IRF2: variants seen among roughly 807,000 people sequenced by gnomAD.
IRF2 encodes interferon regulatory factor 2.
A neutral mutation model predicts 40.6 loss-of-function variants in IRF2; 15 were observed. The observed-to-expected ratio is 0.37, with a 90% CI of 0.25 to 0.57. The LOEUF is 0.57. Ranked by LOEUF, IRF2 falls within the 20% of genes least tolerant of loss-of-function variation. The probability of loss-of-function intolerance (pLI) is 0.77; values close to 1 mark genes in which losing one functional copy is unlikely to be tolerated. For synonymous variants in IRF2, 151 were observed against 165.5 expected (o/e 0.91, Z 0.67); for missense variants, 317 against 455.7 (o/e 0.70, Z 2.77).
chr4:184,470,789 C>T (rs573405238), intron 1 of IRF2, among the ~76,000 whole-genome samples: 6 of 151,914 alleles, frequency 3.9e-5, no homozygotes, highest in Non-Finnish European at 5.9e-5. Context: ...GAAGTTGACA[C>T]GAGAGTGAAG....
At chr4:184,450,626 C>T (rs1236857938) in intron 1 of IRF2, among the ~76,000 whole-genome samples, 1 of 152,088 alleles carries the variant, frequency 6.6e-6, no homozygotes, top group Non-Finnish European at 1.5e-5. Flanking sequence ...TACGTATGTG[C>T]TTTACCTTAC....
intron 8 of IRF2, among the ~76,000 whole-genome samples, chr4:184,390,354 T>C (rs13146207): frequency 0.25 from 38,076 of 152,142 alleles, 5,609 homozygotes; most frequent in South Asian, 0.45. Flanking sequence ...GTCACTGCTT[T>C]TGGCTGGGAA....
At chr4:184,455,667 G>A (rs892359744) in intron 1 of IRF2, among the ~76,000 whole-genome samples, 15 of 151,940 alleles carry the variant, frequency 9.9e-5, no homozygotes, top group African/African-American at 3.6e-4. Flanking sequence ...AGGATAAGGC[G>A]GATGATATTA....
chr4:184,433,053 G>A (rs1372837713), intron 1 of IRF2, among the ~76,000 whole-genome samples: 1 of 152,198 alleles, frequency 6.6e-6, no homozygotes, highest in East Asian at 1.9e-4. Flanking sequence ...AGGGCCCAGA[G>A]ACCCGGCTCA....
At chr4:184,427,206 T>C (rs946468887) in intron 2 of IRF2, among the ~76,000 whole-genome samples, 3 of 152,208 alleles carry the variant, frequency 2.0e-5, no homozygotes, top group Non-Finnish European at 2.9e-5. Flanking sequence ...TAAAACACTA[T>C]AGATAGAGCA....
chr4:184,398,255 C>T (rs1736536771), intron 7 of IRF2, among the ~76,000 whole-genome samples: 2 of 152,196 alleles, frequency 1.3e-5, no homozygotes, highest in African/African-American at 4.8e-5. Context: ...CCTGCTCAAA[C>T]TGAGAATCCA....
At chr4:184,447,506 C>T (rs557487279) in intron 1 of IRF2, among the ~76,000 whole-genome samples, 1 of 152,146 alleles carries the variant, frequency 6.6e-6, no homozygotes, top group Non-Finnish European at 1.5e-5. Flanking sequence ...GAGTAAAAGG[C>T]TGGTGAAAAA....
chr4:184,413,942 A>G lies in IRF2; in HGVS notation c.411+4225T>C, dbSNP rs1363806883. ...CCAGGCCTTCATTCCTGATGCCCCTAGTGCTGCGGAAGGACCAGTTTGACC... is the reference window on the plus strand; with the variant it reads ...CCAGGCCTTCATTCCTGATGCCCCTGGTGCTGCGGAAGGACCAGTTTGACC... On this transcript the variant is annotated intron_variant, in intron 5 of 8. Transcript: ENST00000393593. This position sits in a 1 kb window ranked among gnomAD's most constrained non-coding sequence, Gnocchi z 4.2. Among the ~76,000 whole-genome samples the G allele has an allele frequency of 6.6e-6, 1 of 152,190 alleles. No homozygotes were observed. Among genetic ancestry groups the G allele is most frequent in the Non-Finnish European group, 1.5e-5 (1 of 68,028 alleles).
At chr4:184,429,129 G>A (rs2149904062) in intron 1 of IRF2, 59 bp from the exon 2 acceptor site, 1 of 1,357,448 alleles carries the variant, frequency 7.4e-7, no homozygotes, top group Non-Finnish European at 1.0e-6. Context: ...TGTCTGCACT[G>A]CAGAGTTCTA....
chr4:184,430,402 G>A (rs762587465), intron 1 of IRF2, among the ~76,000 whole-genome samples: 45 of 150,074 alleles, frequency 3.0e-4, no homozygotes, highest in Non-Finnish European at 5.5e-4. Flanking sequence ...TGCTCATCCC[G>A]TGCCCTCTGC....
At chr4:184,431,759 G>A (rs2149905192) in intron 1 of IRF2, among the ~76,000 whole-genome samples, 1 of 151,140 alleles carries the variant, frequency 6.6e-6, no homozygotes, top group South Asian at 2.1e-4. Flanking sequence ...CCTGAGCCTG[G>A]CAATATGGAA....
chr4:184,392,908 A>C (rs1433568968), intron 7 of IRF2, among the ~76,000 whole-genome samples: 1 of 152,040 alleles, frequency 6.6e-6, no homozygotes, highest in East Asian at 1.9e-4. Context: ...TGTTTCCCCA[A>C]AACACCCCGT....
At position 184,448,460 on chromosome 4, in the gene IRF2, G is replaced by T. The variant is rs1159670198; in HGVS notation, c.-6-19390C>A. The stretch of plus-strand genomic sequence containing the variant: ...GTCCATAATTCATTTAAATTGTTCA[G>T]TTGTGTAGAAGAGGAGAAATAAGAC... On this transcript the variant is annotated intron_variant, in intron 1 of 8. Transcript: ENST00000393593. This position sits in a 1 kb window ranked among gnomAD's most constrained non-coding sequence, Gnocchi z 4.3. 6.6e-6 allele frequency among the ~76,000 whole-genome samples: 1 copy of T among 152,210 alleles called. No homozygotes were observed.
intron 1 of IRF2, among the ~76,000 whole-genome samples, chr4:184,430,363 A>AGC (rs1378642835): frequency 6.6e-6 from 1 of 150,814 alleles, no homozygotes; most frequent in Admixed American, 6.6e-5. Context: ...AGTCTGGCCC[A>AGC]CTGACTGCTG....
chr4:184,396,121 A>G (rs573461072), intron 7 of IRF2, among the ~76,000 whole-genome samples: 11 of 152,346 alleles, frequency 7.2e-5, no homozygotes, highest in Admixed American at 7.2e-4. Flanking sequence ...GTTTTTAGCC[A>G]TAACTATGTA....
chr4:184,403,803 T>C (rs575435925), intron 6 of IRF2, among the ~76,000 whole-genome samples: 16 of 152,346 alleles, frequency 1.1e-4, no homozygotes, highest in Admixed American at 9.1e-4. Flanking sequence ...GACATTTCTT[T>C]TCAACAGTTA....
chr4:184,426,308 G>A (rs1437702518), intron 2 of IRF2, among the ~76,000 whole-genome samples: 3 of 152,272 alleles, frequency 2.0e-5, no homozygotes, highest in Middle Eastern at 3.4e-3. Flanking sequence ...GAGCCACTGC[G>A]CCCAGCCAGG....
intron 1 of IRF2, among the ~76,000 whole-genome samples, chr4:184,429,297 G>A (rs1418247787): frequency 2.6e-5 from 4 of 152,182 alleles, no homozygotes; most frequent in Non-Finnish European, 5.9e-5. Flanking sequence ...CCTGCCCTCC[G>A]CTGGGAGGGT....
chr4:184,388,988 G>A lies in IRF2; in HGVS notation c.820C>T (p.Leu274=). Residue 274 remains leucine (L), a synonymous_variant, in exon 9 of 9, where the codon CTG becomes TTG. Coordinates refer to ENST00000393593, the MANE Select transcript of IRF2 (RefSeq NM_002199.4). The surrounding 1 kb of genome is among the most constrained non-coding windows in gnomAD (Gnocchi z 4.6). ...SNMGTRGSYL[L]PGMASFVTSN... ...GTGACGAAGGACGCCATGCCGGGCA[G>A]CAGGTAGGAGCCTCGAGTCCCCATG... 6.2e-7 allele frequency: 1 copy of A among 1,614,234 alleles called. No homozygotes were observed. The highest frequency in any genetic ancestry group is 8.5e-7 in the Non-Finnish European group (1 of 1,180,034).
Sources: gnomAD v4.1 joint callset for allele counts (sites outside exome capture counted in the v4.1 genomes callset) on GRCh38, gnomAD v4.1.1 for gene constraint, Gnocchi (gnomAD v3.1) non-coding constraint, MANE v1.5 for transcripts, NCBI Gene and HGNC (gene_info 2026-07-23, HGNC 2026-07-21) for gene names.